TBC1D20: variants seen among roughly 807,000 people sequenced by gnomAD.
The protein encoded by TBC1D20 is TBC1 domain family member 20, also known as chromosome 20 open reading frame 140.
In TBC1D20, 12 loss-of-function variants were observed where a neutral mutation model predicts 41.6. That is an observed-to-expected ratio of 0.29 (90% confidence interval 0.18 to 0.47). The LOEUF is 0.47. Among genes scored for constraint, TBC1D20 ranks in the 20% least tolerant of loss-of-function variants. The pLI is 1.00. For synonymous variants in TBC1D20, 205 were observed against 204.8 expected (o/e 1.00, Z -0.01); for missense variants, 421 against 517.4 (o/e 0.81, Z 1.81).
rs901126869 is a variant in TBC1D20 at position 435,605 on chromosome 20, T to C, written c.*2981A>G. 1 of 153,622 alleles carries C rather than the reference T, an allele frequency of 6.5e-6. No homozygotes were observed. Among genetic ancestry groups the C allele is most frequent in the African/African-American group, 2.4e-5 (1 of 41,458 alleles). 9.5% of individuals were successfully genotyped at this position (153,622 alleles called of 1,614,324 possible). ...GCAAATGCTGGAGCTTCTGTCCCCA[T>C]GGAGTGGGGGTGCGCCACCCTCTTG... On this transcript the variant is annotated 3_prime_UTR_variant, in exon 8 of 8. Transcript: ENST00000354200.
At position 437,097 on chromosome 20, in the gene TBC1D20, G is replaced by A. The variant is rs1301841898; in HGVS notation, c.*1489C>T. 3 of 152,216 alleles carry A rather than the reference G, an allele frequency of 2.0e-5. No individual in the cohort carries two copies. The highest frequency in any genetic ancestry group is 2.9e-5 in the Non-Finnish European group (2 of 68,056). The allele number at this position is 152,216 out of a possible 1,614,324, so 9.4% of individuals were successfully genotyped here. ...CCACTGCACTCCAGCCTGGGCAACA[G>A]AGTGAGACTCCATCTCAGAAAAAAG... On this transcript the variant is annotated 3_prime_UTR_variant, in exon 8 of 8. Coordinates refer to ENST00000354200, the MANE Select transcript of TBC1D20 (RefSeq NM_144628.4).
In TBC1D20 at chr20:438,794, T is replaced by G. The variant is rs2017168971; in HGVS notation, c.1004A>C (p.Gln335Pro). The G allele has an allele frequency of 6.2e-7, 1 of 1,614,108 alleles. No individual in the cohort carries two copies. Among genetic ancestry groups the G allele is most frequent in the African/African-American group, 1.3e-5 (1 of 74,944 alleles). Residue 335 changes from glutamine (Q) to proline (P), a missense_variant, in exon 8 of 8, where the codon CAG becomes CCG. Physicochemically the swap from Gln to Pro is moderately conservative, Grantham distance 76 (BLOSUM62 -1). This residue lies in a region of TBC1D20 where 161 missense variants were observed against 182.7 expected (regional missense o/e 0.88). Coordinates refer to ENST00000354200, the MANE Select transcript of TBC1D20 (RefSeq NM_144628.4). ...FKDFELASAQ[Q>P]RPDMVLRQRF... ...CTGCCGCAGCACCATATCAGGCCTC[T>G]GCTGGGCTGATGCCAGCTCAAAGTC...
At chr20:460,434 C>CAAA (rs10580827) in intron 1 of TBC1D20, among the ~76,000 whole-genome samples, 2 of 128,754 alleles carry the variant, frequency 1.6e-5, no homozygotes, top group Admixed American at 7.9e-5. Context: ...TCCCATCTCT[C>CAAA]AAAAAAAAAA....
chr20:450,296 G>A (rs2017421332), intron 1 of TBC1D20, among the ~76,000 whole-genome samples: 1 of 151,488 alleles, frequency 6.6e-6, no homozygotes, highest in African/African-American at 2.4e-5. Flanking sequence ...TTACAGGCAT[G>A]CACCACCACG....
chr20:451,812 T>C (rs969118615), intron 1 of TBC1D20, among the ~76,000 whole-genome samples: 1 of 152,102 alleles, frequency 6.6e-6, no homozygotes, highest in African/African-American at 2.4e-5. Flanking sequence ...CTCAACCATA[T>C]ATATATAGTT....
intron 5 of TBC1D20, chr20:440,615 G>C (rs1428155934): frequency 2.1e-6 from 1 of 482,590 alleles, no homozygotes; most frequent in Non-Finnish European, 3.6e-6. Flanking sequence ...ATCTCACTGG[G>C]TGCTCGCCTA....
intron 2 of TBC1D20, among the ~76,000 whole-genome samples, chr20:445,833 C>A (rs1481413858): frequency 3.3e-5 from 5 of 152,244 alleles, no homozygotes; most frequent in Admixed American, 3.3e-4. Context: ...GCAACACTTC[C>A]TCACACGTAG....
chr20:462,369 AG>A lies in TBC1D20; in HGVS notation c.36del (p.Ser13ProfsTer28). 7.7e-7 allele frequency: 1 copy of A among 1,305,054 alleles called. No individual in the cohort carries two copies. The highest frequency in any genetic ancestry group is 9.8e-7 in the Non-Finnish European group (1 of 1,017,432). 80.8% of individuals were successfully genotyped at this position (1,305,054 alleles called of 1,614,324 possible). On this transcript the variant is annotated frameshift_variant, in exon 1 of 8. Coordinates refer to ENST00000354200, the MANE Select transcript of TBC1D20 (RefSeq NM_144628.4). LOFTEE classifies it high-confidence loss of function. ...TCCGCGCCGCCGTCCCAGTGGCCGG[AG>A]GTGGGGCCGTCGCCCTGCGCACTCC... ...ALRSAQGDGP[T>X]SGHWDGGAEK...
chr20:438,476 A>G lies in TBC1D20; in HGVS notation c.*110T>C. 8 of 1,347,436 alleles carry G rather than the reference A, an allele frequency of 5.9e-6. No individual in the cohort carries two copies. The highest frequency in any genetic ancestry group is 8.1e-6 in the Non-Finnish European group (8 of 987,786). 83.5% of individuals were successfully genotyped at this position (1,347,436 alleles called of 1,614,324 possible). On this transcript the variant is annotated 3_prime_UTR_variant, in exon 8 of 8. Transcript: ENST00000354200. Reference sequence around the variant, plus strand: ...ACGGGCAGGGCAGGGTGGCAGGAATAAAAAACTCTGGACAGAAACCCTTTT... The same window carrying G: ...ACGGGCAGGGCAGGGTGGCAGGAATGAAAAACTCTGGACAGAAACCCTTTT...
intron 2 of TBC1D20, 113 bp from the exon 3 acceptor site, chr20:445,243 G>C: frequency 1.3e-6 from 1 of 742,496 alleles, no homozygotes; most frequent in Non-Finnish European, 2.4e-6. Context: ...TTCTCCTGAA[G>C]AGGATGATAT....
At chr20:451,187 C>G (rs900828401) in intron 1 of TBC1D20, among the ~76,000 whole-genome samples, 2 of 152,334 alleles carry the variant, frequency 1.3e-5, no homozygotes, top group South Asian at 4.1e-4. Context: ...AGGAGCAAAA[C>G]TCTCTTGACA....
chr20:450,320 T>A lies in TBC1D20; in HGVS notation c.71-2246A>T, dbSNP rs886199736. Among the ~76,000 whole-genome samples the A allele has an allele frequency of 2.0e-5, 3 of 151,852 alleles. No individual in the cohort carries two copies. In the East Asian group the frequency reaches 5.8e-4, roughly 29 times the overall value. On this transcript the variant is annotated intron_variant, in intron 1 of 7. Coordinates refer to ENST00000354200, the MANE Select transcript of TBC1D20 (RefSeq NM_144628.4). ...TGCACCACCACGCTTTGCTAATTTT[T>A]TTTTTTTTTTAGACAGGGTTTCACC...
intron 5 of TBC1D20, chr20:441,082 T>C (rs1404126928): frequency 6.5e-6 from 1 of 153,490 alleles, no homozygotes; most frequent in Non-Finnish European, 1.4e-5. Flanking sequence ...GAGAAAATAC[T>C]CCATCTCAAA....
chr20:458,416 TG>T (rs934400008), intron 1 of TBC1D20, among the ~76,000 whole-genome samples: 13 of 151,810 alleles, frequency 8.6e-5, no homozygotes, highest in Admixed American at 3.3e-4. Context: ...TGGGCTCAAG[TG>T]ATCCTCCTGC....
At chr20:438,884 G>GC (rs1243416508) in intron 7 of TBC1D20, 43 bp from the exon 8 acceptor site, 1 of 1,603,214 alleles carries the variant, frequency 6.2e-7, no homozygotes, top group Admixed American at 1.7e-5. Context: ...GTATGAAAGA[G>GC]GAGGAGGAAA....
chr20:447,869 G>A lies in TBC1D20; in HGVS notation c.256+20C>T, dbSNP rs751512807. On this transcript the variant is annotated intron_variant, in intron 2 of 7. Coordinates refer to ENST00000354200, the MANE Select transcript of TBC1D20 (RefSeq NM_144628.4). ...GTCTCCTAGATAAGCTCCCCTCACAGCCTCCCCCACTCCCCTTACCTGATA... is the reference window on the plus strand; with the variant it reads ...GTCTCCTAGATAAGCTCCCCTCACAACCTCCCCCACTCCCCTTACCTGATA... 3.2e-6 allele frequency: 5 copies of A among 1,582,886 alleles called. No individual in the cohort carries two copies. The highest frequency in any genetic ancestry group is 4.3e-6 in the Non-Finnish European group (5 of 1,160,116).
chr20:454,399 A>AAG (rs2017506633), intron 1 of TBC1D20, among the ~76,000 whole-genome samples: 1 of 152,178 alleles, frequency 6.6e-6, no homozygotes, highest in African/African-American at 2.4e-5. Context: ...GTACAGAAGA[A>AAG]AGGCCAGGAG....
At chr20:442,832 T>A (rs967947796) in intron 3 of TBC1D20, among the ~76,000 whole-genome samples, 1 of 152,192 alleles carries the variant, frequency 6.6e-6, no homozygotes, top group Admixed American at 6.5e-5. Flanking sequence ...GCGCGGTGGC[T>A]CACGCCTGTA....
chr20:451,818 T>C (rs568378256), intron 1 of TBC1D20, among the ~76,000 whole-genome samples: 1 of 152,266 alleles, frequency 6.6e-6, no homozygotes, highest in South Asian at 2.1e-4. Context: ...CATATATATA[T>C]AGTTTAAATA....
Sources: gnomAD v4.1 joint callset for allele counts (sites outside exome capture counted in the v4.1 genomes callset) on GRCh38, gnomAD v4.1.1 for gene constraint, gnomAD v4.1.1 regional missense constraint, MANE v1.5 for transcripts, NCBI Gene and HGNC (gene_info 2026-07-23, HGNC 2026-07-21) for gene names.